Variants in FNBP1 observed in about 807,000 individuals in gnomAD.
FNBP1 encodes formin binding protein 1.
In FNBP1, 26 loss-of-function variants were observed where a neutral mutation model predicts 90.6. The ratio of observed to expected loss-of-function variants is 0.29; its 90% CI spans 0.21 to 0.40. The LOEUF (loss-of-function observed/expected upper bound fraction) is 0.40, where lower values mean the gene tolerates loss of function less well. FNBP1 is among the 10% of genes least tolerant of loss of function. The pLI is 1.00. For missense variants in FNBP1, 635 were observed against 768.0 expected, an observed-to-expected ratio of 0.83 and a Z score of 2.05; for synonymous variants, 260 against 265.2, an observed-to-expected ratio of 0.98 and a Z score of 0.19.
chr9:129,935,141 T>TTA (rs2043235623), intron 6 of FNBP1, among the ~76,000 whole-genome samples: 1 of 147,962 alleles, frequency 6.8e-6, no homozygotes, highest in Middle Eastern at 3.2e-3. Flanking sequence ...TTTTTTTTTT[T>TTA]AAGACAGGGT....
intron 1 of FNBP1, among the ~76,000 whole-genome samples, chr9:130,007,210 C>A (rs113257819): frequency 8.8e-4 from 106 of 120,176 alleles, no homozygotes; most frequent in African/African-American, 3.4e-3. Flanking sequence ...CCACTGCATT[C>A]CAGCCTGGGC....
chr9:129,999,903 C>T (rs368759412), intron 1 of FNBP1, among the ~76,000 whole-genome samples: 1 of 152,104 alleles, frequency 6.6e-6, no homozygotes, highest in African/African-American at 2.4e-5. Flanking sequence ...CAATCTATTA[C>T]GATTCTTTAC....
intron 1 of FNBP1, among the ~76,000 whole-genome samples, chr9:130,017,110 T>C (rs1414224435): frequency 6.6e-6 from 1 of 152,120 alleles, no homozygotes. Context: ...ATGAAGAGCA[T>C]GCAATAACGT....
intron 10 of FNBP1, among the ~76,000 whole-genome samples, chr9:129,916,435 CG>C (rs2040263018): frequency 1.3e-5 from 2 of 151,872 alleles, no homozygotes; most frequent in Non-Finnish European, 2.9e-5. Flanking sequence ...CTGACCAACA[CG>C]GAGAAACCCT....
chr9:129,935,633 G>A (rs963819091), intron 6 of FNBP1, among the ~76,000 whole-genome samples: 21 of 152,180 alleles, frequency 1.4e-4, no homozygotes, highest in African/African-American at 5.1e-4. Context: ...GACTACAGGT[G>A]CCTACCACCA....
In FNBP1 at chr9:129,890,739, G is replaced by T. The variant is rs918962575; in HGVS notation, c.1847-193C>A. ...CGGGTCTGAGATGAGGAACTTTCAC[G>T]GTTTTCTCTCTAGCCTTTAGCTGGT... On this transcript the variant is annotated intron_variant, in intron 16 of 16. Coordinates refer to ENST00000446176, the MANE Select transcript of FNBP1 (RefSeq NM_015033.3). The surrounding 1 kb of genome is among the most constrained non-coding windows in gnomAD (Gnocchi z 5.8). Among the ~76,000 whole-genome samples, 1 of 152,128 alleles carries T rather than the reference G, an allele frequency of 6.6e-6. No individual in the cohort carries two copies. The highest frequency in any genetic ancestry group is 1.5e-5 in the Non-Finnish European group (1 of 68,014).
At chr9:129,958,312 A>C (rs1210485780) in intron 5 of FNBP1, among the ~76,000 whole-genome samples, 179 bp downstream of exon 5, 1 of 152,080 alleles carries the variant, frequency 6.6e-6, no homozygotes, top group African/African-American at 2.4e-5. Context: ...TGTGCCTGTA[A>C]TCTTAGCTAC....
At chr9:129,899,080 C>CA (rs1564259911) in intron 15 of FNBP1, among the ~76,000 whole-genome samples, 1 of 141,974 alleles carries the variant, frequency 7.0e-6, no homozygotes, top group African/African-American at 2.6e-5. Flanking sequence ...GCTGCTGCAG[C>CA]TTTTTTTTTT....
intron 2 of FNBP1, among the ~76,000 whole-genome samples, chr9:129,990,734 G>C (rs1304678489): frequency 6.6e-6 from 1 of 152,146 alleles, no homozygotes; most frequent in South Asian, 2.1e-4. Flanking sequence ...AAACTAGTTA[G>C]TAGACTCATC....
intron 1 of FNBP1, among the ~76,000 whole-genome samples, chr9:130,033,879 G>C (rs965061945): frequency 4.0e-5 from 6 of 149,854 alleles, no homozygotes; most frequent in Non-Finnish European, 8.9e-5. Context: ...AGCCAGTCAT[G>C]GTGGCGGGTG....
intron 2 of FNBP1, among the ~76,000 whole-genome samples, chr9:129,992,547 CTCTT>C (rs1200844351): frequency 1.1e-5 from 1 of 89,248 alleles, no homozygotes; most frequent in African/African-American, 4.0e-5. Context: ...GAACACATAG[CTCTT>C]TTTTTTTTTT....
chr9:130,050,752 CCT>C, the FNBP1 span, among the ~76,000 whole-genome samples: 2 of 151,624 alleles, frequency 1.3e-5, no homozygotes, highest in Non-Finnish European at 2.9e-5. Context: ...AATCCTACCA[CCT>C]CTCTGCCTCC....
chr9:129,937,503 C>T (rs962358438), intron 6 of FNBP1, among the ~76,000 whole-genome samples: 2 of 151,904 alleles, frequency 1.3e-5, no homozygotes, highest in Non-Finnish European at 2.9e-5. Flanking sequence ...GAGGCTGAGG[C>T]GGGCGGATCA....
rs2058827175 is a variant in FNBP1 at position 130,031,821 on chromosome 9, C to T, written c.24+11131G>A. Among the ~76,000 whole-genome samples, 1 of 152,086 alleles carries T rather than the reference C, an allele frequency of 6.6e-6. No homozygotes were observed. Among genetic ancestry groups the T allele is most frequent in the Non-Finnish European group, 1.5e-5 (1 of 68,022 alleles). On this transcript the variant is annotated intron_variant, in intron 1 of 16. Coordinates refer to ENST00000446176, the MANE Select transcript of FNBP1 (RefSeq NM_015033.3). This position sits in a 1 kb window ranked among gnomAD's most constrained non-coding sequence, Gnocchi z 4.2. ...GGATTACAGGCGAGCGCCATCATGC[C>T]TGGCTAAGTTTTTTGTATTTTTAAT...
intron 6 of FNBP1, among the ~76,000 whole-genome samples, chr9:129,940,375 C>T (rs2044148376): frequency 1.3e-5 from 2 of 152,006 alleles, no homozygotes; most frequent in Non-Finnish European, 2.9e-5. Context: ...ATAAAAAATA[C>T]AGTCATTGAA....
intron 4 of FNBP1, among the ~76,000 whole-genome samples, chr9:129,972,728 C>A (rs187627359): frequency 6.6e-6 from 1 of 152,196 alleles, no homozygotes; most frequent in African/African-American, 2.4e-5. Context: ...GACAGGGTTT[C>A]GCCATGTTGG....
intron 6 of FNBP1, among the ~76,000 whole-genome samples, chr9:129,940,954 C>T (rs1179098213): frequency 6.6e-6 from 1 of 151,960 alleles, no homozygotes; most frequent in African/African-American, 2.4e-5. Context: ...AACAAATCCT[C>T]TAGGAACCCC....
At chr9:129,958,985 C>CATAAAAAAAAAAAAAAAA (rs2047365949) in intron 4 of FNBP1, among the ~76,000 whole-genome samples, 1 of 9,154 alleles carries the variant, frequency 1.1e-4, no homozygotes, top group African/African-American at 4.0e-4. Flanking sequence ...AACTCTGCCT[C>CATAAAAAAAAAAAAAAAA]AAAAAAAAAA....
At chr9:129,973,066 G>T (rs4836682) in intron 4 of FNBP1, among the ~76,000 whole-genome samples, 114,217 of 152,002 alleles carry the variant, frequency 0.75, 43,635 homozygotes, top group East Asian at 0.9. Context: ...CCTGCCTAGG[G>T]CAGGGCTGCC....
Sources: gnomAD v4.1 joint callset for allele counts (sites outside exome capture counted in the v4.1 genomes callset) on GRCh38, gnomAD v4.1.1 for gene constraint, Gnocchi (gnomAD v3.1) non-coding constraint, MANE v1.5 for transcripts, NCBI Gene and HGNC (gene_info 2026-07-23, HGNC 2026-07-21) for gene names.